The following PIERCE1 variants were observed in gnomAD, a reference collection of about 807,000 sequenced individuals.
The protein encoded by PIERCE1 is piercer of microtubule wall 1.
chr9:135,498,886 C>G, the PIERCE1 span: 16 of 556,578 alleles, frequency 2.9e-5, no homozygotes, highest in South Asian at 3.4e-4. This position sits in a 1 kb window ranked among gnomAD's most constrained non-coding sequence, Gnocchi z 4.1. Flanking sequence ...ACTGTCCCTG[C>G]TCTTCCAAGG....
chr9:135,495,715 G>GAGA, the PIERCE1 span: 4 of 1,150,558 alleles, frequency 3.5e-6, no homozygotes, highest in Non-Finnish European at 4.9e-6. Flanking sequence ...AGAAAATGCA[G>GAGA]AGAAGCCAGA....
At chr9:135,498,530 C>T in the PIERCE1 span, 3 of 1,542,210 alleles carry the variant, frequency 1.9e-6, 1 homozygote, top group East Asian at 4.5e-5. The surrounding 1 kb of genome is among the most constrained non-coding windows in gnomAD (Gnocchi z 4.1). Context: ...TTTTTAGCCT[C>T]TTCTTGAGGC....
the PIERCE1 span, among the ~76,000 whole-genome samples, chr9:135,496,497 G>C: frequency 1.3e-5 from 2 of 152,244 alleles, no homozygotes; most frequent in African/African-American, 4.8e-5. Flanking sequence ...CACATCACCT[G>C]ATGTTTCATC....
chr9:135,497,786 C>T, the PIERCE1 span, among the ~76,000 whole-genome samples: 7 of 152,132 alleles, frequency 4.6e-5, no homozygotes, highest in Non-Finnish European at 4.4e-5. Context: ...CGTCTGATTA[C>T]GGGAGAGTGA....
chr9:135,495,349 C>T, the PIERCE1 span: 7 of 1,340,850 alleles, frequency 5.2e-6, no homozygotes, highest in African/African-American at 2.9e-5. Context: ...CACAATCGGG[C>T]GACTGTGGGT....
chr9:135,499,442 C>T, the PIERCE1 span: 1 of 687,718 alleles, frequency 1.5e-6, no homozygotes, highest in Admixed American at 2.0e-5. Context: ...AGGAGACTCA[C>T]CCGACACAAA....
chr9:135,499,858 TG>T, the PIERCE1 span: 1 of 1,554,816 alleles, frequency 6.4e-7, no homozygotes, highest in Non-Finnish European at 8.7e-7. Flanking sequence ...CCATTGTGCC[TG>T]GAGGAGAAGC....
chr9:135,499,845 C>T, the PIERCE1 span: 3 of 1,581,944 alleles, frequency 1.9e-6, no homozygotes, highest in Middle Eastern at 1.7e-4. Context: ...GGGCATTCCT[C>T]AGCCATTGTG....
At chr9:135,497,982 G>A in the PIERCE1 span, among the ~76,000 whole-genome samples, 8 of 152,284 alleles carry the variant, frequency 5.3e-5, no homozygotes, top group African/African-American at 7.2e-5. Flanking sequence ...AGGAGACACC[G>A]CACTAGTCCC....
chr9:135,499,489 C>G, the PIERCE1 span: 15 of 730,568 alleles, frequency 2.1e-5, no homozygotes, highest in East Asian at 2.2e-4. Context: ...CTTTCTCCCC[C>G]CACGGCCCTG....
chr9:135,497,350 A>C, the PIERCE1 span, among the ~76,000 whole-genome samples: 1 of 152,062 alleles, frequency 6.6e-6, no homozygotes, highest in Non-Finnish European at 1.5e-5. Context: ...GCCTTTTATA[A>C]AACCTAAAAC....
At chr9:135,496,790 G>C in the PIERCE1 span, among the ~76,000 whole-genome samples, 16 of 136,916 alleles carry the variant, frequency 1.2e-4, no homozygotes, top group East Asian at 2.2e-3. Flanking sequence ...ATTCCCTTCA[G>C]TGCATTTTTT....
the PIERCE1 span, among the ~76,000 whole-genome samples, chr9:135,498,224 T>C: frequency 6.6e-6 from 1 of 152,162 alleles, no homozygotes; most frequent in Admixed American, 6.5e-5. This position sits in a 1 kb window ranked among gnomAD's most constrained non-coding sequence, Gnocchi z 4.1. Flanking sequence ...AAGTAGCCCT[T>C]CATTTATTTG....
the PIERCE1 span, among the ~76,000 whole-genome samples, chr9:135,496,205 T>C: frequency 6.6e-6 from 1 of 152,054 alleles, no homozygotes; most frequent in East Asian, 1.9e-4. Context: ...TAATCCCAGC[T>C]ACTCGGGAGG....
At chr9:135,499,867 A>G in the PIERCE1 span, 31 of 1,542,094 alleles carry the variant, frequency 2.0e-5, no homozygotes, top group Admixed American at 2.8e-4. Context: ...CTGGAGGAGA[A>G]GCGGGACTCG....
At chr9:135,499,523 T>G in the PIERCE1 span, 1 of 831,802 alleles carries the variant, frequency 1.2e-6, no homozygotes, top group Non-Finnish European at 2.0e-6. Flanking sequence ...TTATCCCCAC[T>G]TCCTTGTATG....
At chr9:135,498,680 A>C in the PIERCE1 span, 3 of 1,607,382 alleles carry the variant, frequency 1.9e-6, no homozygotes, top group Admixed American at 3.3e-5. The surrounding 1 kb of genome is among the most constrained non-coding windows in gnomAD (Gnocchi z 4.1). Context: ...GATGAGAAAC[A>C]CTCTATTTTC....
the PIERCE1 span, among the ~76,000 whole-genome samples, chr9:135,496,453 C>T: frequency 6.6e-6 from 1 of 152,226 alleles, no homozygotes; most frequent in Admixed American, 6.5e-5. Flanking sequence ...TTACCCCATA[C>T]GGGTGACCTG....
At chr9:135,499,603 T>C in the PIERCE1 span, 1 of 1,432,586 alleles carries the variant, frequency 7.0e-7, no homozygotes, top group Non-Finnish European at 9.6e-7. Context: ...GACCACTCGA[T>C]CTTCTTGATT....
Sources: allele counts gnomAD v4.1 joint callset (sites outside exome capture counted in the v4.1 genomes callset), GRCh38; gene constraint gnomAD v4.1.1; non-coding constraint Gnocchi (gnomAD v3.1); transcripts MANE v1.5; gene names NCBI Gene and HGNC (gene_info 2026-07-23, HGNC 2026-07-21).